The following DPP10 variants were observed in gnomAD, a reference collection of about 807,000 sequenced individuals.
The protein encoded by DPP10 is inactive dipeptidyl peptidase 10.
A neutral mutation model predicts 120.9 loss-of-function variants in DPP10; 33 were observed. The ratio of observed to expected loss-of-function variants is 0.27; its 90% CI spans 0.21 to 0.37. DPP10 has a LOEUF of 0.37. DPP10 is among the 10% of genes least tolerant of loss of function. DPP10 has a pLI of 1.00. For synonymous variants in DPP10, 337 were observed against 326.1 expected, an observed-to-expected ratio of 1.03 and a Z score of -0.36; for missense variants, 816 against 942.8, an observed-to-expected ratio of 0.87 and a Z score of 1.76.
intron 3 of DPP10, among the ~76,000 whole-genome samples, chr2:115,462,596 A>G (rs2074057396): frequency 6.6e-6 from 1 of 152,206 alleles, no homozygotes. Flanking sequence ...AAGTTTATTT[A>G]ATATTGAATA....
chr2:115,548,229 A>T (rs2079633092), intron 5 of DPP10, among the ~76,000 whole-genome samples: 1 of 152,134 alleles, frequency 6.6e-6, no homozygotes. Flanking sequence ...ATCTTCTGGG[A>T]TCATTTAAGC....
At chr2:115,204,668 A>T (rs2055993747) in intron 1 of DPP10, among the ~76,000 whole-genome samples, 1 of 152,084 alleles carries the variant, frequency 6.6e-6, no homozygotes, top group African/African-American at 2.4e-5. Context: ...AACTCACTAA[A>T]CAGGTCATAA....
intron 2 of DPP10, chr2:115,342,107 T>C (rs1423969105): frequency 4.4e-6 from 2 of 453,230 alleles, no homozygotes; most frequent in East Asian, 1.4e-4. Flanking sequence ...TGAGGCCTTC[T>C]CTGATTTTTT....
At chr2:115,052,826 C>T (rs772704825) in intron 1 of DPP10, among the ~76,000 whole-genome samples, 2 of 151,990 alleles carry the variant, frequency 1.3e-5, no homozygotes, top group Non-Finnish European at 2.9e-5. Context: ...GTGGCAGGCA[C>T]CTGTAATCCC....
chr2:114,666,807 T>C (rs572269127), intron 1 of DPP10, among the ~76,000 whole-genome samples: 1 of 152,344 alleles, frequency 6.6e-6, no homozygotes, highest in African/African-American at 2.4e-5. Context: ...CCTGGTCTCA[T>C]CGTAGAAAAA....
chr2:115,681,621 G>T (rs899929996), intron 5 of DPP10, among the ~76,000 whole-genome samples: 2 of 151,506 alleles, frequency 1.3e-5, no homozygotes, highest in Non-Finnish European at 3.0e-5. Flanking sequence ...TAAAACATTT[G>T]GATATATATT....
chr2:115,424,089 G>A (rs938893799), intron 3 of DPP10, among the ~76,000 whole-genome samples: 2 of 151,992 alleles, frequency 1.3e-5, no homozygotes, highest in Non-Finnish European at 2.9e-5. Context: ...CCTCCAACCT[G>A]GTCAGAACCA....
chr2:115,807,638 C>A (rs913489031), intron 19 of DPP10, among the ~76,000 whole-genome samples: 7 of 151,870 alleles, frequency 4.6e-5, no homozygotes, highest in African/African-American at 1.5e-4. Context: ...AGGAAGAGTG[C>A]CTTTGGCCGA....
chr2:114,502,490 A>C (rs961955971), intron 1 of DPP10, among the ~76,000 whole-genome samples: 30 of 152,244 alleles, frequency 2.0e-4, no homozygotes, highest in Non-Finnish European at 4.0e-4. Context: ...ACTACATTTT[A>C]GAATATGGCA....
At chr2:114,549,908 G>A (rs1427984916) in intron 1 of DPP10, among the ~76,000 whole-genome samples, 3 of 152,040 alleles carry the variant, frequency 2.0e-5, no homozygotes, top group African/African-American at 7.2e-5. Context: ...AGGTGAATGG[G>A]GTGACGTGGG....
At chr2:115,650,305 A>G (rs971681118) in intron 5 of DPP10, among the ~76,000 whole-genome samples, 1 of 151,414 alleles carries the variant, frequency 6.6e-6, no homozygotes, top group Non-Finnish European at 1.5e-5. Context: ...TTCCAGGAAC[A>G]TCTAAAAGTT....
chr2:114,466,423 G>A (rs1475164182), intron 1 of DPP10, among the ~76,000 whole-genome samples: 2 of 152,128 alleles, frequency 1.3e-5, no homozygotes, highest in African/African-American at 2.4e-5. Flanking sequence ...CCATAGCAAA[G>A]GGTCTTTATT....
chr2:115,835,065 G>C (rs1412837521), intron 21 of DPP10, among the ~76,000 whole-genome samples: 1 of 151,780 alleles, frequency 6.6e-6, no homozygotes, highest in Non-Finnish European at 1.5e-5. Flanking sequence ...GAACCCAGGG[G>C]GCGGAGCTTG....
intron 1 of DPP10, among the ~76,000 whole-genome samples, chr2:114,766,031 T>C (rs1680679526): frequency 6.6e-6 from 1 of 152,104 alleles, no homozygotes; most frequent in South Asian, 2.1e-4. Flanking sequence ...TTTGCAGAAA[T>C]AAGAAACGTA....
At chr2:114,956,357 A>AT (rs1007172340) in intron 1 of DPP10, among the ~76,000 whole-genome samples, 6 of 142,160 alleles carry the variant, frequency 4.2e-5, no homozygotes, top group South Asian at 2.5e-4. Flanking sequence ...TAAAGAATAA[A>AT]TTTAAAAAAA....
At chr2:115,581,326 T>C (rs1575236270) in intron 5 of DPP10, among the ~76,000 whole-genome samples, 1 of 152,208 alleles carries the variant, frequency 6.6e-6, no homozygotes, top group Non-Finnish European at 1.5e-5. Flanking sequence ...TATTTTTACA[T>C]ACATTGTTTC....
At chr2:115,790,241 G>GGCT (rs1226096700) in intron 17 of DPP10, among the ~76,000 whole-genome samples, 59 of 151,594 alleles carry the variant, frequency 3.9e-4, no homozygotes, top group African/African-American at 1.3e-3. Context: ...CACCGCGCCC[G>GGCT]GCTAATTTTT....
intron 1 of DPP10, among the ~76,000 whole-genome samples, chr2:114,905,376 G>A (rs1425301117): frequency 6.6e-6 from 1 of 151,928 alleles, no homozygotes; most frequent in African/African-American, 2.4e-5. Context: ...TCCATTTATG[G>A]TGAGACATCT....
At chr2:115,817,584 A>G (rs1295353220) in intron 21 of DPP10, among the ~76,000 whole-genome samples, 1 of 152,248 alleles carries the variant, frequency 6.6e-6, no homozygotes, top group Non-Finnish European at 1.5e-5. Flanking sequence ...TATTCAACAG[A>G]TAAGTAAAAA....
Sources: gnomAD v4.1 joint callset for allele counts (sites outside exome capture counted in the v4.1 genomes callset) on GRCh38, gnomAD v4.1.1 for gene constraint, MANE v1.5 for transcripts, NCBI Gene and HGNC (gene_info 2026-07-23, HGNC 2026-07-21) for gene names.